DUSP22: variants seen among roughly 807,000 people sequenced by gnomAD.
DUSP22 encodes the protein dual specificity phosphatase 22.
A neutral mutation model predicts 24.5 loss-of-function variants in DUSP22; 24 were observed. That is an observed-to-expected ratio of 0.98 (90% CI 0.71 to 1.38). The LOEUF is 1.38. Ranked by LOEUF, DUSP22 falls within the 40% of genes most tolerant of loss-of-function variation. The pLI is 0.00. For synonymous variants in DUSP22, 160 were observed against 106.4 expected (o/e 1.50, Z -3.10); for missense variants, 330 against 269.2 (o/e 1.23, Z -1.58).
In DUSP22 at chr6:349,011, G is replaced by A; in HGVS notation, c.*60G>A. The A allele has an allele frequency of 6.5e-7, 1 of 1,543,550 alleles. No individual in the cohort carries two copies. The highest frequency in any genetic ancestry group is 1.2e-5 in the South Asian group (1 of 83,312). On this transcript the variant is annotated 3_prime_UTR_variant, in exon 7 of 7. Transcript: ENST00000419235. The stretch of plus-strand genomic sequence containing the variant: ...GTCTTCAGTGTGCCCGGCTGGGCAG[G>A]GGTGCGGTGGTGGTGGCCGATGAGG...
chr6:347,571 G>A (rs1464705339), intron 5 of DUSP22, among the ~76,000 whole-genome samples: 1 of 152,304 alleles, frequency 6.6e-6, no homozygotes, highest in Non-Finnish European at 1.5e-5. Context: ...TGCCTGCTCT[G>A]TACTCTGCAT....
intron 3 of DUSP22, among the ~76,000 whole-genome samples, chr6:323,240 A>ATGTGTGTGTG (rs5873739): frequency 4.0e-5 from 6 of 151,596 alleles, no homozygotes; most frequent in Admixed American, 2.0e-4. Context: ...GCGTGTGTGC[A>ATGTGTGTGTG]TGTGTGTGTG....
intron 1 of DUSP22, among the ~76,000 whole-genome samples, chr6:300,378 C>A (rs372286293): frequency 6.6e-6 from 1 of 152,272 alleles, no homozygotes; most frequent in Non-Finnish European, 1.5e-5. Flanking sequence ...GAAAGCTACA[C>A]GGAGCCCTAA....
At chr6:303,894 G>C (rs1186186556) in intron 1 of DUSP22, among the ~76,000 whole-genome samples, 1 of 152,302 alleles carries the variant, frequency 6.6e-6, no homozygotes, top group African/African-American at 2.4e-5. Context: ...ATTTTTAACA[G>C]ATTCTGGAGT....
chr6:346,534 TAGAG>T (rs1332248517), intron 5 of DUSP22, among the ~76,000 whole-genome samples: 1 of 152,294 alleles, frequency 6.6e-6, no homozygotes, highest in African/African-American at 2.4e-5. Flanking sequence ...GCCTGGCACA[TAGAG>T]AGTTCTTAGT....
chr6:334,330 TTA>T (rs1357491198), intron 3 of DUSP22, among the ~76,000 whole-genome samples: 2 of 152,426 alleles, frequency 1.3e-5, no homozygotes, highest in African/African-American at 4.8e-5. Context: ...TATCAGATTT[TTA>T]TGTTTTGTGT....
At position 349,078 on chromosome 6, in the gene DUSP22, C is replaced by G. The variant is rs559395443; in HGVS notation, c.*127C>G. 2 of 1,472,110 alleles carry G rather than the reference C, an allele frequency of 1.4e-6. No individual in the cohort carries two copies. The highest frequency in any genetic ancestry group is 1.8e-6 in the Non-Finnish European group (2 of 1,113,110). 91.2% of individuals were successfully genotyped at this position (1,472,110 alleles called of 1,614,324 possible). ...GCCAGGGCGAGGTGGGGCGAGGGCT[C>G]CTTCCCCCAAGCAACACCGCCCAGC... On this transcript the variant is annotated 3_prime_UTR_variant, in exon 7 of 7. Transcript: ENST00000419235.
intron 3 of DUSP22, among the ~76,000 whole-genome samples, chr6:329,825 C>G (rs1427398475): frequency 4.6e-5 from 7 of 152,300 alleles, no homozygotes; most frequent in African/African-American, 1.4e-4. Context: ...AGAGAGTCTT[C>G]TGCTGTGTGT....
intron 3 of DUSP22, among the ~76,000 whole-genome samples, chr6:323,240 A>ATATG (rs9328118): frequency 2.0e-5 from 3 of 151,598 alleles, no homozygotes; most frequent in Admixed American, 1.3e-4. Flanking sequence ...GCGTGTGTGC[A>ATATG]TGTGTGTGTG....
chr6:329,453 G>GT (rs1272843515), intron 3 of DUSP22, among the ~76,000 whole-genome samples: 2 of 152,306 alleles, frequency 1.3e-5, no homozygotes, highest in African/African-American at 4.8e-5. Context: ...GGTTACGATG[G>GT]TAAATCTTTG....
chr6:348,134 G>T lies in DUSP22; in HGVS notation c.295G>T (p.Val99Leu), dbSNP rs1291540065. ...LAGVSRSVTL[V>L]IAYIMTVTDF... ...CGGGGTCTCCAGGAGCGTGACACTG[G>T]TGATCGCATACATCATGACCGTCAC... Residue 99 changes from valine (V) to leucine (L), a missense_variant, in exon 6 of 7, where the codon GTG (valine) becomes TTG (leucine). Transcript: ENST00000419235. The T allele has an allele frequency of 6.2e-7, 1 of 1,614,178 alleles. No individual in the cohort carries two copies. Among genetic ancestry groups the T allele is most frequent in the African/African-American group, 1.3e-5 (1 of 74,966 alleles).
chr6:349,171 A>T lies in DUSP22; in HGVS notation c.*220A>T, dbSNP rs757888963. ...GCACCTGAGCTTGCTGCCCCTGGGGATGTTGCCCAGTGGCTGTGCACTGCT... is the reference window on the plus strand; with the variant it reads ...GCACCTGAGCTTGCTGCCCCTGGGGTTGTTGCCCAGTGGCTGTGCACTGCT... On this transcript the variant is annotated 3_prime_UTR_variant, in exon 7 of 7. Coordinates refer to ENST00000419235, the MANE Select transcript of DUSP22 (RefSeq NM_001286555.3). 13 of 1,427,712 alleles carry T rather than the reference A, an allele frequency of 9.1e-6. No individual in the cohort carries two copies. Among genetic ancestry groups the T allele is most frequent in the Non-Finnish European group, 1.2e-5 (13 of 1,095,752 alleles). 88.4% of individuals were successfully genotyped at this position (1,427,712 alleles called of 1,614,324 possible).
chr6:297,040 TG>T (rs1288608957), intron 1 of DUSP22, among the ~76,000 whole-genome samples: 2 of 152,298 alleles, frequency 1.3e-5, no homozygotes, highest in East Asian at 1.9e-4. Context: ...CTTGTTTCCA[TG>T]GGGAGCGCAC....
intron 2 of DUSP22, among the ~76,000 whole-genome samples, chr6:308,330 C>G (rs541732225): frequency 6.6e-6 from 1 of 152,300 alleles, no homozygotes; most frequent in Non-Finnish European, 1.5e-5. Flanking sequence ...CTCATTACCT[C>G]GCTGCTCATG....
chr6:301,326 T>C (rs1757571551), intron 1 of DUSP22, among the ~76,000 whole-genome samples: 1 of 152,306 alleles, frequency 6.6e-6, no homozygotes, highest in South Asian at 2.1e-4. Context: ...AAGAAAGTGC[T>C]ATTGCAAGAT....
In DUSP22 at chr6:345,436, C is replaced by G. The variant is rs1759817789; in HGVS notation, c.189-418C>G. ...TGTTGGCCAGGCTGGTCTCGAGCTC[C>G]TGACCTCAAGTGATCCGCCTGCCTC... On this transcript the variant is annotated intron_variant, in intron 4 of 6. Transcript: ENST00000419235. Among the ~76,000 whole-genome samples the G allele has an allele frequency of 5.3e-5, 8 of 152,306 alleles. No homozygotes were observed. In the South Asian group the frequency reaches 6.2e-4, roughly 12 times the overall value.
At chr6:299,422 C>T (rs1410729216) in intron 1 of DUSP22, among the ~76,000 whole-genome samples, 1 of 152,300 alleles carries the variant, frequency 6.6e-6, no homozygotes, top group Non-Finnish European at 1.5e-5. Flanking sequence ...TTTTGGGTTT[C>T]AAGTCTGAAT....
intron 1 of DUSP22, among the ~76,000 whole-genome samples, chr6:293,673 C>G (rs901048529): frequency 1.3e-5 from 2 of 152,404 alleles, no homozygotes; most frequent in Non-Finnish European, 2.9e-5. Flanking sequence ...GAAAACCTAG[C>G]TAACTTTTCA....
In DUSP22 at chr6:348,870, G is replaced by A. The variant is rs1244808496; in HGVS notation, c.537G>A (p.Glu179=). The part of the protein sequence containing the change: ...LGKYKEQGRT[E]PQPGARRWSS... ...AATATAAGGAGCAAGGGCGCACAGA[G>A]CCCCAGCCCGGCGCCAGGCGGTGGA... Residue 179 remains glutamate, a synonymous_variant, in exon 7 of 7, where the codon GAG becomes GAA. Coordinates refer to ENST00000419235, the MANE Select transcript of DUSP22 (RefSeq NM_001286555.3). 5.0e-6 allele frequency: 8 copies of A among 1,614,272 alleles called. No individual in the cohort carries two copies. The highest frequency in any genetic ancestry group is 4.0e-5 in the African/African-American group (3 of 75,088).
Sources: gnomAD v4.1 joint callset for allele counts (sites outside exome capture counted in the v4.1 genomes callset) on GRCh38, gnomAD v4.1.1 for gene constraint, MANE v1.5 for transcripts, NCBI Gene and HGNC (gene_info 2026-07-23, HGNC 2026-07-21) for gene names.